ING4: variants seen among roughly 807,000 people sequenced by gnomAD.
The protein encoded by ING4 is inhibitor of growth family member 4.
Under a neutral mutation model 33.1 loss-of-function variants are expected in ING4, and 28 were observed. The ratio of observed to expected loss-of-function variants is 0.85; its 90% confidence interval spans 0.63 to 1.16. The LOEUF (loss-of-function observed/expected upper bound fraction) is 1.16. ING4 is among the 50% of genes most tolerant of loss of function. The probability of loss-of-function intolerance (pLI) is 0.00; values close to 1 mark genes in which losing one functional copy is unlikely to be tolerated. For missense variants in ING4, 247 were observed against 314.7 expected (o/e 0.78, Z 1.63); for synonymous variants, 87 against 104.4 (o/e 0.83, Z 1.02).
At position 6,652,562 on chromosome 12, in the gene ING4, C is replaced by T. The variant is rs1418534348; in HGVS notation, c.497+100G>A. On this transcript the variant is annotated intron_variant, in intron 5 of 7. Coordinates refer to ENST00000341550, the MANE Select transcript of ING4 (RefSeq NM_016162.4). ...CCAAAATGATAAGAAGAGTTCTTGG[C>T]GCAGACATATAGAAAGCGGCAGGGG... The T allele has an allele frequency of 1.6e-5, 22 of 1,374,444 alleles. No homozygotes were observed. The South Asian group carries it at 1.8e-4, about 11-fold the overall frequency. The allele number at this position is 1,374,444 out of a possible 1,614,324, so 85.1% of individuals were successfully genotyped here.
Position 6,651,401 on chromosome 12 carries a change from A to T in ING4, c.646-16T>A. On this transcript the variant is annotated splice_polypyrimidine_tract_variant and intron_variant, in intron 6 of 7. Transcript: ENST00000341550. Reference sequence around the variant, plus strand: ...CAATGGAACACTGGAAGAGGAAGAAAGAAGTAGTCAGGGGCCAGGAAGGGC... The same window carrying T: ...CAATGGAACACTGGAAGAGGAAGAATGAAGTAGTCAGGGGCCAGGAAGGGC... 2 of 1,612,376 alleles carry T rather than the reference A, an allele frequency of 1.2e-6. No individual in the cohort carries two copies. Among genetic ancestry groups the T allele is most frequent in the South Asian group, 1.1e-5 (1 of 91,050 alleles).
At chr12:6,657,397 C>A (rs1382985582) in intron 1 of ING4, among the ~76,000 whole-genome samples, 1 of 151,890 alleles carries the variant, frequency 6.6e-6, no homozygotes, top group Non-Finnish European at 1.5e-5. Flanking sequence ...TGCAGTGAGC[C>A]GAGATCGCAC....
chr12:6,660,971 T>C (rs1183981109), intron 1 of ING4, among the ~76,000 whole-genome samples: 1 of 152,142 alleles, frequency 6.6e-6, no homozygotes, highest in Non-Finnish European at 1.5e-5. Flanking sequence ...TTTTGTATTT[T>C]TAGTAGAGAC....
At chr12:6,651,294 C>T (rs1949170161) in intron 7 of ING4, 30 bp downstream of exon 7, 1 of 1,614,080 alleles carries the variant, frequency 6.2e-7, no homozygotes, top group East Asian at 2.2e-5. Context: ...GACCACTCAA[C>T]TTAGGGACCC....
At chr12:6,658,960 C>T (rs1022131517) in intron 1 of ING4, among the ~76,000 whole-genome samples, 1 of 152,194 alleles carries the variant, frequency 6.6e-6, no homozygotes, top group African/African-American at 2.4e-5. Flanking sequence ...ATGCACCGCT[C>T]GCTTTTCCTC....
chr12:6,651,426 C>T lies in ING4; in HGVS notation c.646-41G>A. On this transcript the variant is annotated intron_variant, in intron 6 of 7. Coordinates refer to ENST00000341550, the MANE Select transcript of ING4 (RefSeq NM_016162.4). ...AGAAGTAGTCAGGGGCCAGGAAGGG[C>T]CAGAGGAAGGAGAGAAAGCCCCTCC... 3 of 1,549,778 alleles carry T rather than the reference C, an allele frequency of 1.9e-6. No individual in the cohort carries two copies. The South Asian group carries it at 3.3e-5, about 17-fold the overall frequency.
chr12:6,653,253 GC>G lies in ING4; in HGVS notation c.252del (p.Gln84HisfsTer78). ...KCKEFGDDKVQLAMQTYEMVD... is the reference protein window; with the variant it reads ...KCKEFGDDKVXLAMQTYEMVD... Reference sequence around the variant, plus strand: ...ACCATCTCATAGGTCTGCATGGCAAGCTGCACCTTGTCGTCACCAAATTCCT... The same window carrying G: ...ACCATCTCATAGGTCTGCATGGCAAGTGCACCTTGTCGTCACCAAATTCCT... On this transcript the variant is annotated frameshift_variant, in exon 3 of 8. Transcript: ENST00000341550. LOFTEE classifies it high-confidence loss of function. 1 of 1,614,170 alleles carries G rather than the reference GC, an allele frequency of 6.2e-7. No individual in the cohort carries two copies. Among genetic ancestry groups the G allele is most frequent in the Non-Finnish European group, 8.5e-7 (1 of 1,180,032 alleles).
intron 2 of ING4, chr12:6,655,509 A>G: frequency 1.5e-6 from 1 of 674,098 alleles, no homozygotes; most frequent in South Asian, 3.5e-5. Flanking sequence ...GACACTGTTT[A>G]TACTCCACTT....
chr12:6,657,922 C>G (rs1166452188), intron 1 of ING4: 1 of 144,836 alleles, frequency 6.9e-6, no homozygotes, highest in African/African-American at 2.5e-5. Context: ...GAGCGAGACT[C>G]TGTCTCCAAA....
chr12:6,662,986 C>T, intron 1 of ING4, 79 bp downstream of exon 1: 1 of 1,473,284 alleles, frequency 6.8e-7, no homozygotes, highest in Non-Finnish European at 9.4e-7. Flanking sequence ...GTCACTGGAA[C>T]TTAAGGGCTA....
intron 2 of ING4, chr12:6,655,608 G>A (rs1949328799): frequency 1.8e-6 from 2 of 1,129,748 alleles, no homozygotes; most frequent in Non-Finnish European, 2.2e-6. Flanking sequence ...AGTTACAACT[G>A]TATTACAAAA....
At position 6,659,541 on chromosome 12, in the gene ING4, G is replaced by A. The variant is rs560833714; in HGVS notation, c.38-2743C>T. On this transcript the variant is annotated intron_variant, in intron 1 of 7. Coordinates refer to ENST00000341550, the MANE Select transcript of ING4 (RefSeq NM_016162.4). ...ACAAAACAAAAATTAGGCCAGGCGCGGTGGCTCACACCTGTAATCCCGGCA... is the reference window on the plus strand; with the variant it reads ...ACAAAACAAAAATTAGGCCAGGCGCAGTGGCTCACACCTGTAATCCCGGCA... Among the ~76,000 whole-genome samples the A allele has an allele frequency of 3.9e-5, 6 of 151,996 alleles. No individual in the cohort carries two copies. The South Asian group carries it at 6.2e-4, about 16-fold the overall frequency.
chr12:6,656,805 AAGAG>A lies in ING4; in HGVS notation c.38-11_38-8del. ...AAGGGAAGGTTTTCAATACCTAGGG[AAGAG>A]AGAGAAACAATCACAGGACTGACTA... is the stretch of plus-strand genomic sequence containing the variant. On this transcript the variant is annotated splice_region_variant and splice_polypyrimidine_tract_variant and intron_variant, in intron 1 of 7. Coordinates refer to ENST00000341550, the MANE Select transcript of ING4 (RefSeq NM_016162.4). 1 of 1,530,760 alleles carries A rather than the reference AAGAG, an allele frequency of 6.5e-7. No individual in the cohort carries two copies. Among genetic ancestry groups the A allele is most frequent in the Non-Finnish European group, 8.8e-7 (1 of 1,132,650 alleles). The allele number at this position is 1,530,760 out of a possible 1,614,324, so 94.8% of individuals were successfully genotyped here. A position where few individuals can be genotyped will look rare whatever the true frequency, so the allele number is the denominator to read the frequency against.
At chr12:6,652,817 G>A in intron 4 of ING4, 50 bp from the exon 5 acceptor site, 1 of 1,586,526 alleles carries the variant, frequency 6.3e-7, no homozygotes, top group Non-Finnish European at 8.7e-7. Flanking sequence ...AGAAAGATGG[G>A]TTAAGTCCTC....
chr12:6,659,191 G>A (rs182129497), intron 1 of ING4, among the ~76,000 whole-genome samples: 13 of 152,304 alleles, frequency 8.5e-5, no homozygotes, highest in Non-Finnish European at 1.9e-4. Context: ...CTGGAAGGCA[G>A]GTGGATCACT....
chr12:6,653,197 G>C, intron 3 of ING4, 33 bp downstream of exon 3: 1 of 1,612,022 alleles, frequency 6.2e-7, no homozygotes, highest in East Asian at 2.2e-5. Context: ...GATTAGATGG[G>C]AAGTAGGTGG....
At chr12:6,662,595 A>T (rs1181655762) in intron 1 of ING4, among the ~76,000 whole-genome samples, 3 of 152,198 alleles carry the variant, frequency 2.0e-5, no homozygotes, top group African/African-American at 4.8e-5. Context: ...TCTTTACTCC[A>T]TGAAGAGAAG....
Position 6,651,346 on chromosome 12 carries a change from T to C in ING4, c.685A>G (p.Thr229Ala). Residue 229 changes from threonine (T) to alanine (A), a missense_variant, in exon 7 of 8, where the codon ACA becomes GCA. Transcript: ENST00000341550. The stretch of plus-strand genomic sequence containing the variant: ...TACCATTTCCCCCGAGGCTTGGTTG[T>C]CAGCCCCACACAGGCAAAATGGAAC... ...EWFHFACVGL[T>A]TKPRGKWFCP... 1 of 1,614,140 alleles carries C rather than the reference T, an allele frequency of 6.2e-7. No homozygotes were observed. The highest frequency in any genetic ancestry group is 2.2e-5 in the East Asian group (1 of 44,884).
intron 1 of ING4, among the ~76,000 whole-genome samples, chr12:6,658,016 G>C (rs1235355946): frequency 2.0e-5 from 3 of 151,340 alleles, no homozygotes; most frequent in African/African-American, 7.3e-5. Flanking sequence ...CTGGAGTGCA[G>C]TGGCACGATC....
Sources: gnomAD v4.1 joint callset for allele counts (sites outside exome capture counted in the v4.1 genomes callset) on GRCh38, gnomAD v4.1.1 for gene constraint, MANE v1.5 for transcripts, NCBI Gene and HGNC (gene_info 2026-07-23, HGNC 2026-07-21) for gene names.